HDAC4: variants seen among roughly 807,000 people sequenced by gnomAD.
HDAC4 encodes the protein histone deacetylase A.
Under a neutral mutation model 135.1 loss-of-function variants are expected in HDAC4, and 16 were observed. That is an observed-to-expected ratio of 0.12 (90% CI 0.08 to 0.18). The LOEUF (loss-of-function observed/expected upper bound fraction) is 0.18, where lower values mean the gene tolerates loss of function less well. HDAC4 is among the 10% of genes least tolerant of loss of function. HDAC4 has a pLI of 1.00. For synonymous variants in HDAC4, 685 were observed against 653.4 expected (o/e 1.05, Z -0.74); for missense variants, 1,143 against 1,511.8 (o/e 0.76, Z 4.05).
chr2:239,054,141 A>G (rs1371590345), intron 25 of HDAC4, among the ~76,000 whole-genome samples: 1 of 152,014 alleles, frequency 6.6e-6, no homozygotes, highest in African/African-American at 2.4e-5. Flanking sequence ...ACACAGGGAA[A>G]CGGGGAGCTG....
chr2:239,215,177 T>C (rs1366150134), intron 3 of HDAC4, among the ~76,000 whole-genome samples: 1 of 152,064 alleles, frequency 6.6e-6, no homozygotes, highest in Non-Finnish European at 1.5e-5. Context: ...CCTGGGGCGC[T>C]TGGATGTGAT....
chr2:239,211,804 T>C (rs965928547), intron 3 of HDAC4, among the ~76,000 whole-genome samples: 2 of 152,186 alleles, frequency 1.3e-5, no homozygotes, highest in African/African-American at 4.8e-5. Context: ...AGGACTGCTA[T>C]AACTGATCAT....
chr2:239,323,954 C>T (rs920044690), intron 2 of HDAC4, among the ~76,000 whole-genome samples: 27 of 152,090 alleles, frequency 1.8e-4, no homozygotes, highest in African/African-American at 6.3e-4. Flanking sequence ...GAAATATATC[C>T]TCTATTGCTT....
rs368603388 is a variant in HDAC4, at chr2:239,064,485, C to T, written c.3003+2237G>A. ...CCGTCTCTGATGCTGCCCCTCACATCGGCCTCAACAGAAGGGGAGGGAGGA... is the reference window on the plus strand; with the variant it reads ...CCGTCTCTGATGCTGCCCCTCACATTGGCCTCAACAGAAGGGGAGGGAGGA... On this transcript the variant is annotated intron_variant, in intron 24 of 26. Transcript: ENST00000543185. 1.4e-4 allele frequency among the ~76,000 whole-genome samples: 22 copies of T among 152,274 alleles called. No individual in the cohort carries two copies. The East Asian group carries it at 3.3e-3, about 23-fold the overall frequency.
Position 239,163,798 on chromosome 2 carries a change from C to A in HDAC4, c.611+5G>T. The A allele has an allele frequency of 3.7e-6, 6 of 1,614,150 alleles. No individual in the cohort carries two copies. Among genetic ancestry groups the A allele is most frequent in the Non-Finnish European group, 5.1e-6 (6 of 1,180,032 alleles). Reference sequence around the variant, plus strand: ...GGCCGGGGTGCTCCCCACACCCACACTTACCCGTACCAGTAGCGAGGGTCG... The same window carrying A: ...GGCCGGGGTGCTCCCCACACCCACAATTACCCGTACCAGTAGCGAGGGTCG... On this transcript the variant is annotated splice_donor_5th_base_variant and intron_variant, in intron 6 of 26. Transcript: ENST00000543185.
At chr2:239,338,936 C>T (rs962096956) in intron 2 of HDAC4, among the ~76,000 whole-genome samples, 8 of 152,272 alleles carry the variant, frequency 5.3e-5, no homozygotes, top group South Asian at 2.1e-4. Flanking sequence ...GTTTTGTTTC[C>T]GGAGAGCATG....
chr2:239,076,616 G>C (rs2034791668), intron 22 of HDAC4, among the ~76,000 whole-genome samples: 1 of 152,168 alleles, frequency 6.6e-6, no homozygotes, highest in Admixed American at 6.5e-5. Context: ...GCAAGCCTCT[G>C]GGGACTCCGT....
chr2:239,097,593 G>A lies in HDAC4; in HGVS notation c.2234-2537C>T, dbSNP rs546819850. On this transcript the variant is annotated intron_variant, in intron 16 of 26. Transcript: ENST00000543185. Reference sequence around the variant, plus strand: ...TGGTGACAGCAAGTAGTGGACGTGGGGCTGACCATGCGGGGAAGCGGCCTG... The same window carrying A: ...TGGTGACAGCAAGTAGTGGACGTGGAGCTGACCATGCGGGGAAGCGGCCTG... 3.9e-5 allele frequency among the ~76,000 whole-genome samples: 6 copies of A among 152,368 alleles called. No individual in the cohort carries two copies. The South Asian group carries it at 1.2e-3, about 32-fold the overall frequency.
At chr2:239,193,032 C>A (rs1242321280) in intron 3 of HDAC4, among the ~76,000 whole-genome samples, 1 of 152,222 alleles carries the variant, frequency 6.6e-6, no homozygotes, top group Admixed American at 6.5e-5. Context: ...TTAGCTTGAA[C>A]AAATAAGCAC....
At chr2:239,250,985 C>G (rs1377080585) in intron 2 of HDAC4, among the ~76,000 whole-genome samples, 1 of 152,212 alleles carries the variant, frequency 6.6e-6, no homozygotes, top group Non-Finnish European at 1.5e-5. Context: ...CCTGCATCAA[C>G]TTACCGGTGC....
At chr2:239,103,341 C>T (rs1206578566) in intron 15 of HDAC4, among the ~76,000 whole-genome samples, 1 of 152,092 alleles carries the variant, frequency 6.6e-6, no homozygotes, top group Non-Finnish European at 1.5e-5. Flanking sequence ...CCGCCCGGGG[C>T]CACAGCTGCC....
chr2:239,060,728 A>G (rs957396961), intron 24 of HDAC4, among the ~76,000 whole-genome samples: 8 of 152,248 alleles, frequency 5.3e-5, no homozygotes, highest in African/African-American at 1.4e-4. Context: ...TACCGGAGAC[A>G]CGGCCACCTA....
intron 1 of HDAC4, among the ~76,000 whole-genome samples, chr2:239,365,823 GAC>G (rs1196707876): frequency 1.3e-5 from 2 of 151,630 alleles, no homozygotes; most frequent in South Asian, 4.2e-4. Context: ...GGCACTGGGG[GAC>G]ACACGCAGAC....
chr2:239,243,863 A>G (rs1057195228), intron 2 of HDAC4, among the ~76,000 whole-genome samples: 1 of 152,132 alleles, frequency 6.6e-6, no homozygotes, highest in Non-Finnish European at 1.5e-5. Context: ...CATGACAGAA[A>G]AAGCCCGGAC....
At chr2:239,363,416 A>C (rs1693981078) in intron 1 of HDAC4, among the ~76,000 whole-genome samples, 1 of 152,230 alleles carries the variant, frequency 6.6e-6, no homozygotes, top group Non-Finnish European at 1.5e-5. Context: ...AAAGTAAACC[A>C]AGGAGAATAT....
In HDAC4 at chr2:239,352,270, T is replaced by TCCCAGACAG. The variant is rs1350161816; in HGVS notation, c.22+399_22+407dup. ...GACCTCAGTGGGAACATGAGCTTCT[T>TCCCAGACAG]CCCAGACAGCCCAGACGCCCAGTTG... is the stretch of plus-strand genomic sequence containing the variant. On this transcript the variant is annotated intron_variant, in intron 2 of 26. Transcript: ENST00000543185. The surrounding 1 kb of genome is among the most constrained non-coding windows in gnomAD (Gnocchi z 4.4). Among the ~76,000 whole-genome samples the TCCCAGACAG allele has an allele frequency of 1.3e-5, 2 of 151,952 alleles. No homozygotes were observed. The highest frequency in any genetic ancestry group is 4.8e-5 in the African/African-American group (2 of 41,354).
intron 2 of HDAC4, among the ~76,000 whole-genome samples, chr2:239,273,303 A>C (rs2050155429): frequency 6.6e-6 from 1 of 152,200 alleles, no homozygotes; most frequent in Admixed American, 6.5e-5. Context: ...AAGGCCTAAA[A>C]GGCATGGAGC....
chr2:239,103,547 T>G (rs747416198), intron 15 of HDAC4, among the ~76,000 whole-genome samples: 1 of 152,266 alleles, frequency 6.6e-6, no homozygotes, highest in Non-Finnish European at 1.5e-5. Flanking sequence ...GAGATTCGAG[T>G]TAACATTTCA....
At chr2:239,065,379 C>T (rs1384904597) in intron 24 of HDAC4, among the ~76,000 whole-genome samples, 1 of 152,206 alleles carries the variant, frequency 6.6e-6, no homozygotes, top group African/African-American at 2.4e-5. Flanking sequence ...CCCACTGGTT[C>T]CCCAAACATA....
Sources: allele counts gnomAD v4.1 joint callset (sites outside exome capture counted in the v4.1 genomes callset), GRCh38; gene constraint gnomAD v4.1.1; non-coding constraint Gnocchi (gnomAD v3.1); transcripts MANE v1.5; gene names NCBI Gene and HGNC (gene_info 2026-07-23, HGNC 2026-07-21).